The following SLAMF8 variants were observed in gnomAD, a reference collection of about 807,000 sequenced individuals.
SLAMF8 encodes B lymphocyte activator macrophage expressed.
SLAMF8 carries 23 observed loss-of-function variants against 29.0 expected under a neutral mutation model. That is an observed-to-expected ratio of 0.79 (90% CI 0.57 to 1.13). The LOEUF (loss-of-function observed/expected upper bound fraction) is 1.13. SLAMF8 is among the 50% of genes most tolerant of loss of function. SLAMF8 has a pLI of 0.00. For synonymous variants in SLAMF8, 139 were observed against 145.6 expected (o/e 0.96, Z 0.32); for missense variants, 381 against 353.1 (o/e 1.08, Z -0.63).
At chr1:159,831,973 G>A (rs557923638) in intron 2 of SLAMF8, among the ~76,000 whole-genome samples, 3 of 152,208 alleles carry the variant, frequency 2.0e-5, no homozygotes, top group South Asian at 2.1e-4. Flanking sequence ...TGGCATTAAC[G>A]AGGTTTTTCT....
Position 159,837,053 on chromosome 1 carries a change from GC to G in SLAMF8, c.*1794del. 1.0e-6 allele frequency: 1 copy of G among 985,354 alleles called. No individual in the cohort carries two copies. The highest frequency in any genetic ancestry group is 1.2e-6 in the Non-Finnish European group (1 of 829,926). 61.0% of individuals were successfully genotyped at this position (985,354 alleles called of 1,614,324 possible). On this transcript the variant is annotated 3_prime_UTR_variant, in exon 5 of 5. Transcript: ENST00000289707. ...TGGATTTGTGGGGAAAAAATACACA[GC>G]ACTCCCCACCTTTCTTTCGTTCATC...
chr1:159,827,818 G>A lies in SLAMF8; in HGVS notation c.40+880G>A, dbSNP rs747966194. Among the ~76,000 whole-genome samples the A allele has an allele frequency of 2.0e-5, 3 of 151,852 alleles. No individual in the cohort carries two copies. The East Asian group carries it at 5.8e-4, about 29-fold the overall frequency. On this transcript the variant is annotated intron_variant, in intron 1 of 4. Transcript: ENST00000289707. Reference sequence around the variant, plus strand: ...CAAAAAAGGCCTTGGTCTGTTTGGTGAGACAAAAATAATTTGCCTTTTTTT... The same window carrying A: ...CAAAAAAGGCCTTGGTCTGTTTGGTAAGACAAAAATAATTTGCCTTTTTTT...
At chr1:159,831,318 C>T (rs977942349) in intron 2 of SLAMF8, among the ~76,000 whole-genome samples, 4 of 152,034 alleles carry the variant, frequency 2.6e-5, no homozygotes, top group Non-Finnish European at 5.9e-5. Context: ...CTTGAATCCC[C>T]CCGAGACAGC....
rs111322620 is a variant in SLAMF8 at position 159,830,948 on chromosome 1, G to A, written c.367+756G>A. On this transcript the variant is annotated intron_variant, in intron 2 of 4. Transcript: ENST00000289707. The stretch of plus-strand genomic sequence containing the variant: ...CCCAGCTGGGTGCGACTTCTGCTTC[G>A]CATGGGTCTGCAGAGCCATTCGCGC... 2.8e-3 allele frequency among the ~76,000 whole-genome samples: 422 copies of A among 152,202 alleles called. 5 individuals are homozygous for A. Among genetic ancestry groups the A allele is most frequent in the African/African-American group, 9.7e-3 (401 of 41,514 alleles).
rs370708812 is a variant in SLAMF8, at chr1:159,835,299, C to T, written c.*39C>T. On this transcript the variant is annotated 3_prime_UTR_variant, in exon 5 of 5. Coordinates refer to ENST00000289707, the MANE Select transcript of SLAMF8 (RefSeq NM_020125.3). ...CTGATGCCTGGACTATCAGTAACCC[C>T]ACTGCACAGGCACACGATGCTCTGG... 48 of 1,603,070 alleles carry T rather than the reference C, an allele frequency of 3.0e-5. No individual in the cohort carries two copies. The highest frequency in any genetic ancestry group is 3.7e-5 in the Non-Finnish European group (44 of 1,176,454).
chr1:159,828,850 G>A (rs78430523), intron 1 of SLAMF8, among the ~76,000 whole-genome samples: 437 of 151,984 alleles, frequency 2.9e-3, no homozygotes, highest in Non-Finnish European at 4.7e-3. Context: ...GAGTCAGGGG[G>A]GCACTTCAAG....
rs1362187319 is a variant in SLAMF8 at position 159,832,260 on chromosome 1, TTTAA to T, written c.368-608_368-605del. 5.9e-5 allele frequency among the ~76,000 whole-genome samples: 9 copies of T among 152,344 alleles called. No individual in the cohort carries two copies. The East Asian group carries it at 1.2e-3, about 20-fold the overall frequency. ...ACAGCATTTTGCACCCTCATAATTA[TTTAA>T]TTAATTATTCATAATCATTTTGTAT... is the stretch of plus-strand genomic sequence containing the variant. On this transcript the variant is annotated intron_variant, in intron 2 of 4. Coordinates refer to ENST00000289707, the MANE Select transcript of SLAMF8 (RefSeq NM_020125.3).
At position 159,835,206 on chromosome 1, in the gene SLAMF8, T is replaced by C. The variant is rs114378427; in HGVS notation, c.804T>C (p.His268=). ...PCSGKKKKDV[H]ADRVGPETEN... ...CAGGGAAAAAGAAAAAGGATGTCCA[T>C]GCTGACAGAGTGGGTCCAGAGACAG... The change falls in exon 5 of 5, where the codon CAT becomes CAC. Residue 268 remains histidine (H), a synonymous_variant. Coordinates refer to ENST00000289707, the MANE Select transcript of SLAMF8 (RefSeq NM_020125.3). The C allele has an allele frequency of 6.3e-5, 102 of 1,614,112 alleles. No individual in the cohort carries two copies. In the African/African-American group the frequency reaches 1.2e-3, roughly 19 times the overall value.
At chr1:159,829,328 A>T (rs919265839) in intron 1 of SLAMF8, among the ~76,000 whole-genome samples, 4 of 152,180 alleles carry the variant, frequency 2.6e-5, no homozygotes, top group African/African-American at 9.7e-5. Context: ...AGGTCTCTGC[A>T]TGATCTGACT....
chr1:159,829,560 G>T (rs938089919), intron 1 of SLAMF8, among the ~76,000 whole-genome samples: 3 of 152,214 alleles, frequency 2.0e-5, no homozygotes, highest in African/African-American at 7.2e-5. Context: ...TCAAGGCTGG[G>T]TGAGATCCCC....
chr1:159,829,313 C>T (rs1161718683), intron 1 of SLAMF8, among the ~76,000 whole-genome samples: 2 of 152,228 alleles, frequency 1.3e-5, no homozygotes, highest in Non-Finnish European at 1.5e-5. Context: ...TCCAGTATTG[C>T]TTTCAGGTCT....
rs1217794011 is a variant in SLAMF8 at position 159,835,368 on chromosome 1, C to T, written c.*108C>T. 5 of 1,459,982 alleles carry T rather than the reference C, an allele frequency of 3.4e-6. No homozygotes were observed. The highest frequency in any genetic ancestry group is 2.9e-5 in the African/African-American group (2 of 69,672). 90.4% of individuals were successfully genotyped at this position (1,459,982 alleles called of 1,614,324 possible). On this transcript the variant is annotated 3_prime_UTR_variant, in exon 5 of 5. Transcript: ENST00000289707. The stretch of plus-strand genomic sequence containing the variant: ...AAATCACCATGGTCCTCATATCTCC[C>T]ATGGGAATCCTGTCCTGCCTCGAAG...
chr1:159,831,603 A>G (rs1363637290), intron 2 of SLAMF8, among the ~76,000 whole-genome samples: 6 of 152,186 alleles, frequency 3.9e-5, no homozygotes, highest in Admixed American at 1.3e-4. Flanking sequence ...TGAATGTGAT[A>G]ATACATGCAG....
chr1:159,830,867 T>C (rs887317366), intron 2 of SLAMF8, among the ~76,000 whole-genome samples: 1 of 152,212 alleles, frequency 6.6e-6, no homozygotes, highest in African/African-American at 2.4e-5. Flanking sequence ...ATCCCAAAAC[T>C]TACTGACTGA....
chr1:159,828,085 C>T (rs1663739268), intron 1 of SLAMF8, among the ~76,000 whole-genome samples: 2 of 152,218 alleles, frequency 1.3e-5, no homozygotes, highest in Admixed American at 1.3e-4. Flanking sequence ...CCGCCCTCCT[C>T]AGCCTCCCAA....
chr1:159,833,749 A>G (rs778055137), intron 4 of SLAMF8, among the ~76,000 whole-genome samples: 11 of 152,250 alleles, frequency 7.2e-5, no homozygotes, highest in Non-Finnish European at 1.3e-4. Flanking sequence ...CAGGCTGATT[A>G]ACATCCTTTC....
At chr1:159,827,228 C>T (rs1414099320) in intron 1 of SLAMF8, among the ~76,000 whole-genome samples, 1 of 152,100 alleles carries the variant, frequency 6.6e-6, no homozygotes, top group Non-Finnish European at 1.5e-5. Context: ...GGTGATACTG[C>T]TGGTTTGGAG....
chr1:159,833,104 A>C lies in SLAMF8; in HGVS notation c.596A>C (p.Tyr199Ser). The C allele has an allele frequency of 6.2e-7, 1 of 1,614,202 alleles. No homozygotes were observed. The highest frequency in any genetic ancestry group is 8.5e-7 in the Non-Finnish European group (1 of 1,180,034). ...SLGPGDRDVA[Y>S]SCIVSNPVSW... The stretch of plus-strand genomic sequence containing the variant: ...GGACCAGGAGACAGAGATGTGGCCT[A>C]TTCCTGCATTGTCTCCAACCCTGTC... The change falls in exon 3 of 5, where the codon TAT (tyrosine) becomes TCT (serine). Residue 199 changes from tyrosine (Y) to serine (S), a missense_variant. By Grantham distance (144) the Tyr-to-Ser change is moderately radical. Transcript: ENST00000289707.
At chr1:159,831,891 A>T (rs989271551) in intron 2 of SLAMF8, among the ~76,000 whole-genome samples, 1 of 152,150 alleles carries the variant, frequency 6.6e-6, no homozygotes, top group South Asian at 2.1e-4. Context: ...CCCCCCTGTA[A>T]TCTTTGTTTA....
Sources: gnomAD v4.1 joint callset for allele counts (sites outside exome capture counted in the v4.1 genomes callset) on GRCh38, gnomAD v4.1.1 for gene constraint, MANE v1.5 for transcripts, NCBI Gene and HGNC (gene_info 2026-07-23, HGNC 2026-07-21) for gene names.